Variants in SASH1 observed in about 807,000 individuals in gnomAD.
SASH1 encodes SAM and SH3 domain-containing protein 1.
SASH1 carries 44 observed loss-of-function variants against 125.2 expected under a neutral mutation model. That is an observed-to-expected ratio of 0.35 (90% CI 0.28 to 0.45). The LOEUF (loss-of-function observed/expected upper bound fraction) is 0.45. Among genes scored for constraint, SASH1 ranks in the 20% least tolerant of loss-of-function variants. SASH1 has a pLI of 1.00. For missense variants in SASH1, 1,426 were observed against 1,614.5 expected, an observed-to-expected ratio of 0.88 and a Z score of 2.00; for synonymous variants, 639 against 649.1, an observed-to-expected ratio of 0.98 and a Z score of 0.24.
the SASH1 span, among the ~76,000 whole-genome samples, chr6:148,218,305 A>G: frequency 1.7e-4 from 26 of 152,244 alleles, no homozygotes; most frequent in Non-Finnish European, 3.2e-4. Flanking sequence ...ACAAACAGCT[A>G]GTAAACACAT....
intron 1 of SASH1, among the ~76,000 whole-genome samples, chr6:148,337,223 ATT>A (rs10659889): frequency 8.8e-5 from 11 of 124,554 alleles, no homozygotes; most frequent in Admixed American, 8.5e-5. Context: ...CATCCAGCTA[ATT>A]TTTTTTTTTT....
At chr6:148,206,079 GATAA>G in the SASH1 span, among the ~76,000 whole-genome samples, 1 of 152,024 alleles carries the variant, frequency 6.6e-6, no homozygotes, top group Non-Finnish European at 1.5e-5. Flanking sequence ...TCAGCATAAA[GATAA>G]ATAATTAAAA....
intron 6 of SASH1, among the ~76,000 whole-genome samples, chr6:148,473,704 G>A (rs1778217310): frequency 6.6e-6 from 1 of 152,174 alleles, no homozygotes; most frequent in Non-Finnish European, 1.5e-5. Flanking sequence ...TATTGCTAAT[G>A]GAAGGACACA....
At chr6:148,401,001 T>G (rs1424916675) in intron 2 of SASH1, among the ~76,000 whole-genome samples, 1 of 152,040 alleles carries the variant, frequency 6.6e-6, no homozygotes, top group African/African-American at 2.4e-5. Context: ...TCCCAGCACT[T>G]TGGGAGGCCA....
At chr6:148,433,406 CTTTTT>C (rs5880780) in intron 2 of SASH1, among the ~76,000 whole-genome samples, 5 of 128,000 alleles carry the variant, frequency 3.9e-5, no homozygotes, top group African/African-American at 5.9e-5. Context: ...TTTCTTTTTT[CTTTTT>C]TTTTTTTTTT....
At chr6:148,534,304 C>T (rs546203582) in intron 15 of SASH1, among the ~76,000 whole-genome samples, 1 of 152,300 alleles carries the variant, frequency 6.6e-6, no homozygotes, top group African/African-American at 2.4e-5. Flanking sequence ...TCTGCGCCCA[C>T]CTCTCTCCCA....
chr6:148,446,202 A>G lies in SASH1; in HGVS notation c.386+5795A>G, dbSNP rs1008536971. On this transcript the variant is annotated intron_variant, in intron 4 of 19. Transcript: ENST00000367467. ...TGGCTCACTGCAAGCTCCGCCTCCC[A>G]GGTCCACGCCATTCTCCTGCCTCAG... is the stretch of plus-strand genomic sequence containing the variant. 3.7e-5 allele frequency among the ~76,000 whole-genome samples: 5 copies of G among 136,828 alleles called. No individual in the cohort carries two copies. In the South Asian group the frequency reaches 6.9e-4, roughly 19 times the overall value. The allele number at this position is 136,828 out of a possible 152,430, so 89.8% of individuals were successfully genotyped here.
chr6:148,545,720 T>C (rs571952721), intron 18 of SASH1, among the ~76,000 whole-genome samples: 10 of 152,200 alleles, frequency 6.6e-5, no homozygotes, highest in African/African-American at 2.4e-4. Flanking sequence ...AAGATAAAGA[T>C]GTAAAAGTAT....
At chr6:148,347,494 A>C (rs1781560147) in intron 1 of SASH1, among the ~76,000 whole-genome samples, 1 of 152,236 alleles carries the variant, frequency 6.6e-6, no homozygotes, top group African/African-American at 2.4e-5. Context: ...AAAATTAACA[A>C]GAAAACCCCT....
In SASH1 at chr6:148,298,699, AAGG is replaced by A. The variant is rs1264474154; in HGVS notation, n.74+26324_74+26326del. Among the ~76,000 whole-genome samples the A allele has an allele frequency of 2.0e-3, 170 of 85,268 alleles. 1 individual carries two copies. The highest frequency in any genetic ancestry group is 7.4e-3 in the African/African-American group (162 of 22,036). 55.9% of individuals were successfully genotyped at this position (85,268 alleles called of 152,430 possible). On this transcript the variant is annotated intron_variant and non_coding_transcript_variant, in intron 1 of 3. Transcript: ENST00000367469. The stretch of plus-strand genomic sequence containing the variant: ...GAAGGAAGGAAGGAAGGAAGGAAGG[AAGG>A]AAGGAAGGAAGAAGGAAGGGAAAGG...
intron 1 of SASH1, among the ~76,000 whole-genome samples, chr6:148,299,079 T>C (rs1300189460): frequency 6.6e-6 from 1 of 152,208 alleles, no homozygotes; most frequent in Non-Finnish European, 1.5e-5. Flanking sequence ...ATAAATGTTT[T>C]TGAGTTAAAG....
chr6:148,278,561 G>A (rs1779251748), intron 1 of SASH1: 1 of 151,328 alleles, frequency 6.6e-6, no homozygotes, highest in African/African-American at 2.4e-5. Context: ...TTGAATAAAA[G>A]GCCTTACATA....
chr6:148,388,996 C>G (rs957614269), intron 1 of SASH1, among the ~76,000 whole-genome samples: 1 of 151,436 alleles, frequency 6.6e-6, no homozygotes, highest in East Asian at 1.9e-4. Context: ...AGAGGTCTTT[C>G]TGAATGAATT....
intron 1 of SASH1, among the ~76,000 whole-genome samples, chr6:148,299,325 T>C (rs1359693639): frequency 6.6e-6 from 1 of 152,172 alleles, no homozygotes; most frequent in East Asian, 1.9e-4. Context: ...GAATTTTTTT[T>C]TTTTTAGCAT....
intron 1 of SASH1, among the ~76,000 whole-genome samples, chr6:148,335,470 A>C (rs1316787787): frequency 1.3e-5 from 2 of 151,348 alleles, no homozygotes; most frequent in East Asian, 3.9e-4. Flanking sequence ...GTCTCAAAAA[A>C]AAAAAAAAAA....
chr6:148,377,188 A>C (rs1427768078), intron 1 of SASH1, among the ~76,000 whole-genome samples: 5 of 144,568 alleles, frequency 3.5e-5, no homozygotes, highest in African/African-American at 1.0e-4. Flanking sequence ...AAAAAACAAA[A>C]AAAAAACAAA....
the SASH1 span, among the ~76,000 whole-genome samples, chr6:148,266,787 T>G: frequency 1.5e-5 from 2 of 130,758 alleles, no homozygotes; most frequent in South Asian, 2.2e-4. Flanking sequence ...AATTTTTTTT[T>G]TTTTGGTAGA....
chr6:148,397,090 C>T (rs1783987464), intron 2 of SASH1, among the ~76,000 whole-genome samples: 1 of 152,050 alleles, frequency 6.6e-6, no homozygotes, highest in African/African-American at 2.4e-5. Context: ...ATACCGTGAA[C>T]GTCCTGTGCC....
rs1387816531 is a variant in SASH1 at position 148,550,389 on chromosome 6, A to G, written c.*1831A>G. 6.6e-6 allele frequency: 1 copy of G among 152,242 alleles called. No homozygotes were observed. The highest frequency in any genetic ancestry group is 1.9e-4 in the East Asian group (1 of 5,202). 9.4% of individuals were successfully genotyped at this position (152,242 alleles called of 1,614,324 possible). ...TGGGTTGGAGGGGAAGTGATTTCAT[A>G]AATTAATTAGAAAGCCATCTTTAGC... On this transcript the variant is annotated 3_prime_UTR_variant, in exon 20 of 20. Transcript: ENST00000367467.
Sources: gnomAD v4.1 joint callset for allele counts (sites outside exome capture counted in the v4.1 genomes callset) on GRCh38, gnomAD v4.1.1 for gene constraint, MANE v1.5 for transcripts, NCBI Gene and HGNC (gene_info 2026-07-23, HGNC 2026-07-21) for gene names.